The following LRRC63 variants were observed in gnomAD, a reference collection of about 807,000 sequenced individuals.
LRRC63 encodes the protein leucine rich repeat containing 63, also known as leucine-rich repeat-containing protein 63.
LRRC63 carries 40 observed loss-of-function variants against 49.5 expected under a neutral mutation model. That is an observed-to-expected ratio of 0.81 (90% CI 0.63 to 1.05). The LOEUF (loss-of-function observed/expected upper bound fraction) is 1.05. Among genes scored for constraint, LRRC63 ranks in the 50% least tolerant of loss-of-function variants. LRRC63 has a pLI of 0.00. For missense variants in LRRC63, 636 were observed against 663.1 expected, an observed-to-expected ratio of 0.96 and a Z score of 0.45; for synonymous variants, 191 against 221.1, an observed-to-expected ratio of 0.86 and a Z score of 1.21.
At chr13:46,236,058 G>A (rs988111428) in intron 5 of LRRC63, among the ~76,000 whole-genome samples, 1 of 151,868 alleles carries the variant, frequency 6.6e-6, no homozygotes, top group Non-Finnish European at 1.5e-5. Context: ...TAGAAATATT[G>A]ATTAGGCAGA....
At chr13:46,269,799 T>A (rs2047730348) in intron 9 of LRRC63, among the ~76,000 whole-genome samples, 1 of 147,462 alleles carries the variant, frequency 6.8e-6, no homozygotes, top group Admixed American at 6.8e-5. Flanking sequence ...TATATATATA[T>A]TATATATATA....
intron 2 of LRRC63, among the ~76,000 whole-genome samples, chr13:46,216,947 A>T (rs1242860307): frequency 2.0e-5 from 3 of 152,228 alleles, no homozygotes. Flanking sequence ...CTTGCATGCC[A>T]GGGATGAAGC....
At chr13:46,213,479 T>C (rs2046155287) in intron 2 of LRRC63, among the ~76,000 whole-genome samples, 1 of 152,228 alleles carries the variant, frequency 6.6e-6, no homozygotes, top group Non-Finnish European at 1.5e-5. Context: ...GCTCTCATAT[T>C]GTAAACGGGT....
At chr13:46,238,081 C>A (rs1471702210) in intron 5 of LRRC63, among the ~76,000 whole-genome samples, 16 of 151,976 alleles carry the variant, frequency 1.1e-4, no homozygotes, top group Non-Finnish European at 5.9e-5. Context: ...ATGTTAAGGG[C>A]TCAATTCAAC....
At chr13:46,220,650 G>GAA (rs11441080) in intron 2 of LRRC63, among the ~76,000 whole-genome samples, 2,136 of 139,310 alleles carry the variant, frequency 0.015, 37 homozygotes, top group African/African-American at 0.042. Flanking sequence ...ACTGGGGTAT[G>GAA]AAAAAAAAAA....
intron 2 of LRRC63, among the ~76,000 whole-genome samples, chr13:46,220,299 C>T (rs2046367713): frequency 6.6e-6 from 1 of 152,162 alleles, no homozygotes; most frequent in African/African-American, 2.4e-5. Flanking sequence ...TCAGAGATGC[C>T]CTGCCCAGAG....
exon 10 of LRRC63, chr13:46,276,868 T>TTA (rs764407277): frequency 1.3e-4 from 19 of 148,592 alleles, no homozygotes; most frequent in East Asian, 3.7e-4. Flanking sequence ...ATATATATAT[T>TTA]TATATATATA....
At chr13:46,230,344 T>C (rs1462147231) in intron 4 of LRRC63, among the ~76,000 whole-genome samples, 1 of 152,202 alleles carries the variant, frequency 6.6e-6, no homozygotes, top group African/African-American at 2.4e-5. Context: ...ATAGGATATA[T>C]GTATATATGA....
chr13:46,255,255 G>A (rs1202873926), intron 7 of LRRC63, among the ~76,000 whole-genome samples: 5 of 152,044 alleles, frequency 3.3e-5, no homozygotes, highest in Non-Finnish European at 5.9e-5. Context: ...GGTTACTGGG[G>A]GCTCAGGTAT....
chr13:46,244,709 T>C (rs1165067129), intron 5 of LRRC63, among the ~76,000 whole-genome samples: 1 of 152,094 alleles, frequency 6.6e-6, no homozygotes, highest in African/African-American at 2.4e-5. Context: ...ATTTGAGGTT[T>C]TAGTGAGCTA....
At chr13:46,263,865 G>A (rs191250459) in intron 8 of LRRC63, among the ~76,000 whole-genome samples, 1 of 152,090 alleles carries the variant, frequency 6.6e-6, no homozygotes, top group East Asian at 1.9e-4. Context: ...CAGCTGTTTC[G>A]CTCCTTTCCT....
intron 9 of LRRC63, chr13:46,270,442 G>A (rs2047741148): frequency 1.3e-6 from 1 of 792,024 alleles, no homozygotes; most frequent in South Asian, 1.3e-5. Flanking sequence ...CGATGGAAGT[G>A]AATGAAAAAC....
At chr13:46,231,299 A>C (rs2046748205) in intron 4 of LRRC63, among the ~76,000 whole-genome samples, 1 of 152,226 alleles carries the variant, frequency 6.6e-6, no homozygotes, top group Non-Finnish European at 1.5e-5. Context: ...CTACAAAGAA[A>C]AACCCAAGAC....
Position 46,250,496 on chromosome 13 carries a change from G to A in LRRC63, c.1226+5G>A. 2.0e-6 allele frequency: 3 copies of A among 1,514,128 alleles called. No individual in the cohort carries two copies. The highest frequency in any genetic ancestry group is 2.7e-6 in the Non-Finnish European group (3 of 1,125,328). The allele number at this position is 1,514,128 out of a possible 1,614,324, so 93.8% of individuals were successfully genotyped here. ...AATTACTGTTCTTCCAATTGGGTAA[G>A]GTTGATGGTCTGAGATTATAAACAC... is the stretch of plus-strand genomic sequence containing the variant. On this transcript the variant is annotated splice_donor_5th_base_variant and intron_variant, in intron 7 of 9. Transcript: ENST00000595396.
intron 2 of LRRC63, among the ~76,000 whole-genome samples, chr13:46,220,122 A>T (rs953060734): frequency 1.8e-4 from 27 of 152,160 alleles, no homozygotes; most frequent in Non-Finnish European, 3.8e-4. Context: ...CCCTTAGCAG[A>T]GCTCAAGTGC....
chr13:46,224,730 T>C (rs2046518828), intron 2 of LRRC63, among the ~76,000 whole-genome samples: 1 of 152,246 alleles, frequency 6.6e-6, no homozygotes. Context: ...AGGGTAGGAC[T>C]TTTTTCTGAA....
At chr13:46,268,580 C>A (rs9595455) in intron 9 of LRRC63, among the ~76,000 whole-genome samples, 6,403 of 148,738 alleles carry the variant, frequency 0.043, 207 homozygotes, top group Middle Eastern at 0.099. Flanking sequence ...CAACTGCCAG[C>A]CACAGTGGAC....
chr13:46,213,559 G>A (rs192530779), intron 2 of LRRC63, among the ~76,000 whole-genome samples: 1 of 152,260 alleles, frequency 6.6e-6, no homozygotes, highest in African/African-American at 2.4e-5. Context: ...ATTTCACTGT[G>A]GGCCCCAAGC....
At position 46,238,339 on chromosome 13, in the gene LRRC63, A is replaced by G. The variant is rs796538808; in HGVS notation, c.990+3990A>G. Among the ~76,000 whole-genome samples, 21 of 152,306 alleles carry G rather than the reference A, an allele frequency of 1.4e-4. 1 individual carries two copies. Among genetic ancestry groups the G allele is most frequent in the African/African-American group, 4.8e-4 (20 of 41,578 alleles). ...CCCCTAAAACAACAGCATTCTTCCCATTTCCACATGACACATACTCTAAAA... is the reference window on the plus strand; with the variant it reads ...CCCCTAAAACAACAGCATTCTTCCCGTTTCCACATGACACATACTCTAAAA... On this transcript the variant is annotated intron_variant, in intron 5 of 9. Coordinates refer to ENST00000595396, the Ensembl canonical transcript of LRRC63.
Sources: allele counts gnomAD v4.1 joint callset (sites outside exome capture counted in the v4.1 genomes callset), GRCh38; gene constraint gnomAD v4.1.1; transcripts MANE v1.5; gene names NCBI Gene and HGNC (gene_info 2026-07-23, HGNC 2026-07-21).